The following USP6NL variants were observed in gnomAD, a reference collection of about 807,000 sequenced individuals.
The protein encoded by USP6NL is USP6 N-terminal-like protein.
USP6NL carries 26 observed loss-of-function variants against 61.9 expected under a neutral mutation model. The ratio of observed to expected loss-of-function variants is 0.42; its 90% CI spans 0.31 to 0.58. USP6NL has a LOEUF of 0.58. Ranked by LOEUF, USP6NL falls within the 20% of genes least tolerant of loss-of-function variation. The probability of loss-of-function intolerance (pLI) is 0.16; values close to 1 mark genes in which losing one functional copy is unlikely to be tolerated. For synonymous variants in USP6NL, 432 were observed against 390.1 expected (o/e 1.11, Z -1.27); for missense variants, 1,114 against 1,034.3 (o/e 1.08, Z -1.06).
Position 11,525,567 on chromosome 10 carries a change from T to A in USP6NL, c.73-99A>T. 1 of 1,048,868 alleles carries A rather than the reference T, an allele frequency of 9.5e-7. No homozygotes were observed. Among genetic ancestry groups the A allele is most frequent in the Non-Finnish European group, 1.3e-6 (1 of 755,106 alleles). The allele number at this position is 1,048,868 out of a possible 1,614,324, so 65.0% of individuals were successfully genotyped here. A position where few individuals can be genotyped will look rare whatever the true frequency, so the allele number is the denominator to read the frequency against. ...AGAAATAAGAGCTATTTTTAATGTATTACTAAAAATAAGAGCTGGAAGTGA... is the reference window on the plus strand; with the variant it reads ...AGAAATAAGAGCTATTTTTAATGTAATACTAAAAATAAGAGCTGGAAGTGA... On this transcript the variant is annotated intron_variant, in intron 3 of 14. Coordinates refer to ENST00000609104, the MANE Select transcript of USP6NL (RefSeq NM_014688.5). The surrounding 1 kb of genome is among the most constrained non-coding windows in gnomAD (Gnocchi z 5.0).
chr10:11,518,541 C>T lies in USP6NL; in HGVS notation c.189G>A (p.Val63=), dbSNP rs1222309385. The T allele has an allele frequency of 6.2e-7, 1 of 1,613,008 alleles. No individual in the cohort carries two copies. Residue 63 remains valine (V), a synonymous_variant, in exon 5 of 15, where the codon GTG becomes GTA. Coordinates refer to ENST00000609104, the MANE Select transcript of USP6NL (RefSeq NM_014688.5). This position sits in a 1 kb window ranked among gnomAD's most constrained non-coding sequence, Gnocchi z 5.3. ...EEELPDHNVA[V]ERQKHLEIER... is the part of the protein sequence containing the mutation. ...CATCAAGAGCAGGACTTACCCGTTC[C>T]ACAGCCACATTATGATCTGGGAGCT...
At chr10:11,492,893 T>G (rs1331534226) in intron 8 of USP6NL, among the ~76,000 whole-genome samples, 1 of 152,242 alleles carries the variant, frequency 6.6e-6, no homozygotes, top group Admixed American at 6.5e-5. Context: ...CCCCAGATTA[T>G]AAAATGAGTC....
chr10:11,547,342 G>A (rs1464689665), intron 2 of USP6NL, among the ~76,000 whole-genome samples: 1 of 152,120 alleles, frequency 6.6e-6, no homozygotes, highest in Admixed American at 6.5e-5. Flanking sequence ...CCAAATTACA[G>A]ATGAGGAAAG....
At chr10:11,480,931 C>G (rs11257120) in intron 14 of USP6NL, among the ~76,000 whole-genome samples, 17,627 of 152,194 alleles carry the variant, frequency 0.12, 1,303 homozygotes, top group East Asian at 0.16. Context: ...CATACATGGT[C>G]AAGTACTATC....
In USP6NL at chr10:11,497,675, G is replaced by A. The variant is rs570575202; in HGVS notation, c.384+3426C>T. 2.9e-4 allele frequency among the ~76,000 whole-genome samples: 44 copies of A among 152,162 alleles called. No homozygotes were observed. In the South Asian group the frequency reaches 8.1e-3, roughly 28 times the overall value. Reference sequence around the variant, plus strand: ...AGGCCTCATGGTGGAAGAAAAGCCCGGGTAAGTATGTAAAAAATAATAGGT... The same window carrying A: ...AGGCCTCATGGTGGAAGAAAAGCCCAGGTAAGTATGTAAAAAATAATAGGT... On this transcript the variant is annotated intron_variant, in intron 7 of 14. Coordinates refer to ENST00000609104, the MANE Select transcript of USP6NL (RefSeq NM_014688.5).
intron 2 of USP6NL, among the ~76,000 whole-genome samples, chr10:11,566,315 C>G (rs1050708183): frequency 6.6e-6 from 1 of 152,044 alleles, no homozygotes; most frequent in Non-Finnish European, 1.5e-5. Context: ...TAAAAGATAC[C>G]GAAAGGACAA....
chr10:11,480,416 T>C (rs957750030), intron 14 of USP6NL, among the ~76,000 whole-genome samples: 1 of 152,178 alleles, frequency 6.6e-6, no homozygotes, highest in East Asian at 1.9e-4. Flanking sequence ...CCTCTTTTTA[T>C]AGAAGGAGGC....
chr10:11,471,805 A>G (rs905810238), intron 14 of USP6NL, among the ~76,000 whole-genome samples: 14 of 124,876 alleles, frequency 1.1e-4, no homozygotes, highest in African/African-American at 4.2e-4. Flanking sequence ...GGAGGGGAAC[A>G]TCACACACCG....
Position 11,574,194 on chromosome 10 carries a change from G to A in USP6NL, c.4+23437C>T, listed in dbSNP as rs916208061. On this transcript the variant is annotated intron_variant, in intron 2 of 14. Transcript: ENST00000609104. This position sits in a 1 kb window ranked among gnomAD's most constrained non-coding sequence, Gnocchi z 4.3. The stretch of plus-strand genomic sequence containing the variant: ...TTCTCAAAAACCTTGTATTTGAAAC[G>A]GAAAATAAAATGTGGATAAAAATAA... 9.2e-5 allele frequency among the ~76,000 whole-genome samples: 14 copies of A among 152,060 alleles called. No homozygotes were observed. The highest frequency in any genetic ancestry group is 5.2e-4 in the Admixed American group (8 of 15,282).
At chr10:11,546,465 G>A (rs564007963) in intron 2 of USP6NL, among the ~76,000 whole-genome samples, 7 of 152,152 alleles carry the variant, frequency 4.6e-5, no homozygotes, top group Non-Finnish European at 7.4e-5. Context: ...GAAGTGGCAC[G>A]ATCTAGGTTC....
At chr10:11,515,156 A>G (rs541886935) in intron 5 of USP6NL, among the ~76,000 whole-genome samples, 14 of 152,320 alleles carry the variant, frequency 9.2e-5, no homozygotes, top group African/African-American at 3.4e-4. Flanking sequence ...AACCCTGTAC[A>G]GGACCAGCTG....
chr10:11,516,466 A>G (rs750503066), intron 5 of USP6NL, among the ~76,000 whole-genome samples: 1 of 152,246 alleles, frequency 6.6e-6, no homozygotes, highest in Admixed American at 6.5e-5. Context: ...CAGTCACCAC[A>G]GAACACAAGA....
At position 11,577,299 on chromosome 10, in the gene USP6NL, C is replaced by A. The variant is rs1340834166; in HGVS notation, c.4+20332G>T. The stretch of plus-strand genomic sequence containing the variant: ...CAGGATGGTCTCGATCTCCTGACCT[C>A]GTGATCCACCCACCTCGCCCTCCCA... On this transcript the variant is annotated intron_variant, in intron 2 of 14. Coordinates refer to ENST00000609104, the MANE Select transcript of USP6NL (RefSeq NM_014688.5). Among the ~76,000 whole-genome samples, 3 of 152,130 alleles carry A rather than the reference C, an allele frequency of 2.0e-5. No homozygotes were observed. The South Asian group carries it at 6.2e-4, about 32-fold the overall frequency.
intron 14 of USP6NL, among the ~76,000 whole-genome samples, chr10:11,472,936 A>C (rs1832817878): frequency 6.6e-6 from 1 of 152,210 alleles, no homozygotes; most frequent in Admixed American, 6.5e-5. Flanking sequence ...TTTGTTAAGT[A>C]ACTTTAAAAA....
chr10:11,468,870 G>C lies in USP6NL; in HGVS notation c.1079-5021C>G, dbSNP rs746226944. Among the ~76,000 whole-genome samples, 1 of 152,222 alleles carries C rather than the reference G, an allele frequency of 6.6e-6. No individual in the cohort carries two copies. The highest frequency in any genetic ancestry group is 1.5e-5 in the Non-Finnish European group (1 of 68,042). On this transcript the variant is annotated intron_variant, in intron 14 of 14. Transcript: ENST00000609104. This position sits in a 1 kb window ranked among gnomAD's most constrained non-coding sequence, Gnocchi z 4.5. ...AGAAAAAACCAATTGAGAAGTAATGGAAGGACTGAGGTGGTAATTTCAGGC... is the reference window on the plus strand; with the variant it reads ...AGAAAAAACCAATTGAGAAGTAATGCAAGGACTGAGGTGGTAATTTCAGGC...
chr10:11,463,380 T>C lies in USP6NL; in HGVS notation c.1548A>G (p.Ala516=). 6.2e-7 allele frequency: 1 copy of C among 1,614,066 alleles called. No homozygotes were observed. The highest frequency in any genetic ancestry group is 1.7e-5 in the Admixed American group (1 of 60,038). ...GKGRAAHPAL[A]VTVPGPAEVR... Reference sequence around the variant, plus strand: ...CCTCGGCAGGACCTGGGACGGTAACTGCGAGCGCGGGGTGCGCTGCTCGAC... The same window carrying C: ...CCTCGGCAGGACCTGGGACGGTAACCGCGAGCGCGGGGTGCGCTGCTCGAC... The change falls in exon 15 of 15, where the codon GCA becomes GCG. Residue 516 remains alanine, a synonymous_variant. Coordinates refer to ENST00000609104, the MANE Select transcript of USP6NL (RefSeq NM_014688.5). This position sits in a 1 kb window ranked among gnomAD's most constrained non-coding sequence, Gnocchi z 6.3.
At chr10:11,546,900 T>G (rs1303007673) in intron 2 of USP6NL, among the ~76,000 whole-genome samples, 7 of 152,248 alleles carry the variant, frequency 4.6e-5, no homozygotes, top group Non-Finnish European at 1.0e-4. Context: ...ACAACTTTTC[T>G]AACAAATAAT....
chr10:11,479,993 G>A (rs758567524), intron 14 of USP6NL, among the ~76,000 whole-genome samples: 3 of 152,196 alleles, frequency 2.0e-5, no homozygotes, highest in Non-Finnish European at 4.4e-5. Flanking sequence ...ACAGGCAGGC[G>A]ATGAAAGGCA....
intron 2 of USP6NL, among the ~76,000 whole-genome samples, chr10:11,538,909 T>C (rs1007441871): frequency 1.7e-5 from 2 of 120,214 alleles, no homozygotes; most frequent in African/African-American, 5.1e-5. Flanking sequence ...TTCACTCTGC[T>C]CTTCATCTCT....
Sources: gnomAD v4.1 joint callset for allele counts (sites outside exome capture counted in the v4.1 genomes callset) on GRCh38, gnomAD v4.1.1 for gene constraint, Gnocchi (gnomAD v3.1) non-coding constraint, MANE v1.5 for transcripts, NCBI Gene and HGNC (gene_info 2026-07-23, HGNC 2026-07-21) for gene names.